The following ZNF800 variants were observed in gnomAD, a reference collection of about 807,000 sequenced individuals.
ZNF800 encodes the protein zinc finger protein 800.
ZNF800 carries 13 observed loss-of-function variants against 59.5 expected under a neutral mutation model. The ratio of observed to expected loss-of-function variants is 0.22; its 90% CI spans 0.14 to 0.35. ZNF800 has a LOEUF of 0.35. ZNF800 is among the 10% of genes least tolerant of loss of function. The probability of loss-of-function intolerance (pLI) is 1.00; values close to 1 mark genes in which losing one functional copy is unlikely to be tolerated. For missense variants in ZNF800, 621 were observed against 783.7 expected, an observed-to-expected ratio of 0.79 and a Z score of 2.48; for synonymous variants, 266 against 265.7, an observed-to-expected ratio of 1.00 and a Z score of -0.01.
intron 2 of ZNF800, among the ~76,000 whole-genome samples, chr7:127,391,071 T>C (rs1000456515): frequency 6.6e-6 from 1 of 152,266 alleles, no homozygotes; most frequent in African/African-American, 2.4e-5. Flanking sequence ...AACTCACTTT[T>C]AGACTTTCAG....
chr7:127,381,521 T>C (rs78694169), intron 3 of ZNF800, among the ~76,000 whole-genome samples: 2,739 of 152,152 alleles, frequency 0.018, 85 homozygotes, highest in African/African-American at 0.062. Context: ...GGACAGTGCC[T>C]ACTTGGGGAA....
chr7:127,374,726 C>T lies in ZNF800; in HGVS notation c.610G>A (p.Ala204Thr), dbSNP rs147958830. 373 of 1,614,000 alleles carry T rather than the reference C, an allele frequency of 2.3e-4. 2 individuals carry two copies. The African/African-American group carries it at 4.5e-3, about 19-fold the overall frequency. Residue 204 changes from alanine (A) to threonine (T), a missense_variant, in exon 5 of 6, where the codon GCA (alanine) becomes ACA (threonine). Physicochemically the swap from Ala to Thr is moderately conservative, Grantham distance 58. Transcript: ENST00000265827. ...PPVEIVTDEV[A>T]PTSDEQPQES... ...TGAGGTTGTTCATCAGATGTAGGTG[C>T]AACTTCATCTGTAACAATCTCAACA...
In ZNF800 at chr7:127,374,406, A is replaced by G. The variant is rs1224550676; in HGVS notation, c.930T>C (p.His310=). The G allele has an allele frequency of 1.2e-6, 2 of 1,613,974 alleles. No individual in the cohort carries two copies. Among genetic ancestry groups the G allele is most frequent in the Non-Finnish European group, 8.5e-7 (1 of 1,179,984 alleles). The change falls in exon 5 of 6, where the codon CAT becomes CAC. Residue 310 remains histidine, a synonymous_variant. Coordinates refer to ENST00000265827, the MANE Select transcript of ZNF800 (RefSeq NM_176814.5). ...ANVRRHFDEV[H]RGLRRDSITP... ...TAATTGAATCCCTCCTTAGTCCTCT[A>G]TGAACTTCATCAAAATGCCTCCTTA...
intron 1 of ZNF800, chr7:127,360,407 T>C (rs1385619906): frequency 1.3e-4 from 20 of 152,130 alleles, no homozygotes. Context: ...AATAACATTT[T>C]ATGTATTCTT....
chr7:127,368,585 T>C (rs1300714194), downstream of ZNF800, among the ~76,000 whole-genome samples: 1 of 152,142 alleles, frequency 6.6e-6, no homozygotes, highest in East Asian at 1.9e-4. Context: ...CCTGGAAACA[T>C]AATTTCCAAA....
rs745946631 is a variant in ZNF800, at chr7:127,373,840, T to G, written c.1496A>C (p.Gln499Pro). ...CAACTCGATGTGTTTAGTCAAGTTC[T>G]GTTTGGAAGTAAACTGACGTTTACA... ...KLCKRQFTSK[Q>P]NLTKHIELHT... The change falls in exon 5 of 6, where the codon CAG becomes CCG. Residue 499 changes from glutamine (Q) to proline (P), a missense_variant. This residue lies in a region of ZNF800 where 46 missense variants were observed against 118.4 expected (regional missense o/e 0.39). Coordinates refer to ENST00000265827, the MANE Select transcript of ZNF800 (RefSeq NM_176814.5). 6.2e-7 allele frequency: 1 copy of G among 1,614,182 alleles called. No homozygotes were observed. Among genetic ancestry groups the G allele is most frequent in the South Asian group, 1.1e-5 (1 of 91,084 alleles).
rs1800624810 is a variant in ZNF800, at chr7:127,371,252, G to A, written c.*562C>T. ...CAAACACTGAAGTGCTGGAGAACAA[G>A]CTAGAAATAAATGGATGTAAAAATA... is the stretch of plus-strand genomic sequence containing the variant. On this transcript the variant is annotated 3_prime_UTR_variant, in exon 6 of 6. Transcript: ENST00000265827. 1 of 152,534 alleles carries A rather than the reference G, an allele frequency of 6.6e-6. No individual in the cohort carries two copies. Among genetic ancestry groups the A allele is most frequent in the Admixed American group, 6.5e-5 (1 of 15,272 alleles). The allele number at this position is 152,534 out of a possible 1,614,324, so 9.4% of individuals were successfully genotyped here.
intron 3 of ZNF800, among the ~76,000 whole-genome samples, chr7:127,385,018 T>C (rs1362947922): frequency 6.6e-6 from 1 of 152,186 alleles, no homozygotes; most frequent in Non-Finnish European, 1.5e-5. Flanking sequence ...AATGGATCTT[T>C]TGGAGAGTCA....
chr7:127,368,580 A>G (rs1381507493), downstream of ZNF800, among the ~76,000 whole-genome samples: 1 of 152,154 alleles, frequency 6.6e-6, no homozygotes, highest in African/African-American at 2.4e-5. Context: ...GGAAACCTGG[A>G]AACATAATTT....
Position 127,386,079 on chromosome 7 carries a change from T to C in ZNF800, c.138A>G (p.Ile46Met). ...LQTSKSGIQQ[I>M]IECFRSGTKQ... ...TCATACCTGATCGAAAGCACTCAAT[T>C]ATTTGTTGAATACCAGATTTGGATG... is the stretch of plus-strand genomic sequence containing the variant. Residue 46 changes from isoleucine to methionine, a missense_variant, in exon 3 of 6, where the codon ATA (isoleucine) becomes ATG (methionine). Physicochemically the swap from Ile to Met is conservative, Grantham distance 10. Around this residue, in one of 7 missense-constraint regions of ZNF800, gnomAD observed 57 missense variants for 77.1 expected, o/e 0.74. Transcript: ENST00000265827. The C allele has an allele frequency of 1.2e-6, 2 of 1,611,598 alleles. No individual in the cohort carries two copies. The highest frequency in any genetic ancestry group is 1.7e-6 in the Non-Finnish European group (2 of 1,178,464).
chr7:127,384,204 T>C (rs1006687066), intron 3 of ZNF800, among the ~76,000 whole-genome samples: 4 of 147,024 alleles, frequency 2.7e-5, no homozygotes, highest in Non-Finnish European at 6.0e-5. Context: ...TCAAAGCACT[T>C]ATGACTTAAC....
At chr7:127,361,420 T>C (rs1800390547) in intron 1 of ZNF800, 1 of 151,460 alleles carries the variant, frequency 6.6e-6, no homozygotes, top group Admixed American at 6.6e-5. Context: ...CTACAGAAAA[T>C]AAATAATAAA....
chr7:127,375,813 A>C (rs967043101), intron 4 of ZNF800, among the ~76,000 whole-genome samples: 5 of 152,034 alleles, frequency 3.3e-5, no homozygotes, highest in African/African-American at 1.2e-4. Context: ...CTACAAATTT[A>C]GTACCAAATC....
Position 127,370,818 on chromosome 7 carries a change from T to G in ZNF800, c.*996A>C, listed in dbSNP as rs1178226295. The G allele has an allele frequency of 1.3e-5, 2 of 152,562 alleles. No individual in the cohort carries two copies. Among genetic ancestry groups the G allele is most frequent in the East Asian group, 3.8e-4 (2 of 5,202 alleles). The allele number at this position is 152,562 out of a possible 1,614,324, so 9.5% of individuals were successfully genotyped here. A position where few individuals can be genotyped will look rare whatever the true frequency, so the allele number is the denominator to read the frequency against. ...AAAAATGGACAAGAATTCATCATTT[T>G]CTAAATTTTACAGTAGGAATCAAAT... On this transcript the variant is annotated 3_prime_UTR_variant, in exon 6 of 6. Transcript: ENST00000265827.
In ZNF800 at chr7:127,373,592, C is replaced by T; in HGVS notation, c.1744G>A (p.Ala582Thr). The T allele has an allele frequency of 6.2e-7, 1 of 1,614,096 alleles. No individual in the cohort carries two copies. The highest frequency in any genetic ancestry group is 8.5e-7 in the Non-Finnish European group (1 of 1,180,008). The part of the protein sequence containing the change: ...VAKRGPSRDE[A>T]KHSDSKHDGT... The stretch of plus-strand genomic sequence containing the variant: ...TCATGTTTTGAATCACTATGTTTTG[C>T]TTCATCCCTCGAAGGGCCTCTTTTT... The change falls in exon 5 of 6, where the codon GCA becomes ACA. Residue 582 changes from alanine (A) to threonine (T), a missense_variant. Transcript: ENST00000265827.
chr7:127,349,937 G>C (rs771658031), intron 1 of ZNF800: 1 of 152,152 alleles, frequency 6.6e-6, no homozygotes, highest in Non-Finnish European at 1.5e-5. Context: ...TATGTCTCCT[G>C]CACTGTGCTC....
downstream of ZNF800, among the ~76,000 whole-genome samples, chr7:127,345,487 G>T (rs1037877918): frequency 1.3e-5 from 2 of 152,148 alleles, no homozygotes; most frequent in Non-Finnish European, 2.9e-5. Context: ...TTATCTAAAG[G>T]ATACGGTTGT....
intron 2 of ZNF800, among the ~76,000 whole-genome samples, chr7:127,389,728 C>A (rs1216817677): frequency 1.3e-5 from 2 of 152,044 alleles, no homozygotes; most frequent in African/African-American, 4.8e-5. Flanking sequence ...CGTGATAAGT[C>A]TGAAAATTAA....
chr7:127,355,542 T>C (rs1261235150), intron 1 of ZNF800, among the ~76,000 whole-genome samples: 3 of 152,008 alleles, frequency 2.0e-5, no homozygotes, highest in Non-Finnish European at 2.9e-5. Context: ...AACAGATTCA[T>C]AGAAGAAATA....
Sources: allele counts gnomAD v4.1 joint callset (sites outside exome capture counted in the v4.1 genomes callset), GRCh38; gene constraint gnomAD v4.1.1; regional missense constraint gnomAD v4.1.1; transcripts MANE v1.5; gene names NCBI Gene and HGNC (gene_info 2026-07-23, HGNC 2026-07-21).